ADAMTSL1: variants seen among roughly 807,000 people sequenced by gnomAD.
ADAMTSL1 encodes ADAMTS like 1.
ADAMTSL1 carries 126 observed loss-of-function variants against 201.8 expected under a neutral mutation model. The observed-to-expected ratio is 0.62, with a 90% confidence interval of 0.54 to 0.72. The LOEUF is 0.72. Ranked by LOEUF, ADAMTSL1 falls within the 30% of genes least tolerant of loss-of-function variation. The pLI, the probability that ADAMTSL1 is intolerant of heterozygous loss-of-function variation, is 0.00. For missense variants in ADAMTSL1, 2,679 were observed against 2,277.8 expected (o/e 1.18, Z -3.59); for synonymous variants, 1,121 against 903.4 (o/e 1.24, Z -4.32).
intron 16 of ADAMTSL1, among the ~76,000 whole-genome samples, chr9:18,757,571 C>T (rs1041107299): frequency 7.2e-5 from 11 of 152,098 alleles, no homozygotes; most frequent in African/African-American, 2.4e-4. Flanking sequence ...TCTCCCATCC[C>T]TGCTTGTATA....
At chr9:18,181,267 A>G (rs55650197) in intron 2 of ADAMTSL1, among the ~76,000 whole-genome samples, 4,965 of 152,286 alleles carry the variant, frequency 0.033, 257 homozygotes, top group African/African-American at 0.11. Flanking sequence ...AATGGCAACA[A>G]AAGCCAAAAT....
At chr9:18,780,999 T>C (rs1821358191) in intron 19 of ADAMTSL1, among the ~76,000 whole-genome samples, 1 of 152,234 alleles carries the variant, frequency 6.6e-6, no homozygotes, top group African/African-American at 2.4e-5. Flanking sequence ...GAACAATTTT[T>C]CGGCTTAGTA....
At chr9:18,420,303 G>A (rs896646784) in intron 2 of ADAMTSL1, among the ~76,000 whole-genome samples, 1 of 152,188 alleles carries the variant, frequency 6.6e-6, no homozygotes. Context: ...GGGGATAAGG[G>A]CTTGAACTAG....
At chr9:18,294,016 C>T (rs1833375408) in intron 2 of ADAMTSL1, among the ~76,000 whole-genome samples, 1 of 152,152 alleles carries the variant, frequency 6.6e-6, no homozygotes, top group Admixed American at 6.5e-5. Context: ...AGACTCAGAA[C>T]CATGAATCTA....
At chr9:18,107,251 A>C (rs928038060) in intron 1 of ADAMTSL1, among the ~76,000 whole-genome samples, 3 of 152,154 alleles carry the variant, frequency 2.0e-5, no homozygotes, top group African/African-American at 7.2e-5. Context: ...ATCTCCCTTC[A>C]AAATTTGTGA....
intron 1 of ADAMTSL1, among the ~76,000 whole-genome samples, chr9:17,915,611 T>G (rs1448149642): frequency 1.3e-5 from 2 of 152,234 alleles, no homozygotes; most frequent in African/African-American, 4.8e-5. Context: ...ATATAGTAGG[T>G]GTACATTTAA....
intron 2 of ADAMTSL1, among the ~76,000 whole-genome samples, chr9:18,366,784 ATTTTTGT>A (rs1563916065): frequency 3.3e-5 from 5 of 151,220 alleles, no homozygotes; most frequent in Non-Finnish European, 5.9e-5. Context: ...TTCCCGGCTA[ATTTTTGT>A]ATTTTTAGTA....
At chr9:18,525,040 A>G (rs55686384) in intron 2 of ADAMTSL1, among the ~76,000 whole-genome samples, 17,325 of 152,056 alleles carry the variant, frequency 0.11, 2,079 homozygotes, top group African/African-American at 0.31. Context: ...TTGTACATCC[A>G]GTAGAATTCG....
intron 2 of ADAMTSL1, among the ~76,000 whole-genome samples, chr9:18,366,885 G>A (rs1836792163): frequency 6.6e-6 from 1 of 151,982 alleles, no homozygotes; most frequent in African/African-American, 2.4e-5. Flanking sequence ...TGGGAGTACT[G>A]GCATGAGCCG....
At chr9:18,553,670 C>A (rs1468964593) in intron 3 of ADAMTSL1, among the ~76,000 whole-genome samples, 7 of 151,864 alleles carry the variant, frequency 4.6e-5, no homozygotes, top group Non-Finnish European at 1.0e-4. Context: ...TTGGTGCTCT[C>A]TCTTGAAAGT....
chr9:18,720,599 A>G (rs1564180201), intron 14 of ADAMTSL1, among the ~76,000 whole-genome samples: 1 of 152,196 alleles, frequency 6.6e-6, no homozygotes, highest in Non-Finnish European at 1.5e-5. Context: ...ACTGACCAGC[A>G]TGGTGAAACC....
intron 1 of ADAMTSL1, among the ~76,000 whole-genome samples, chr9:17,929,533 C>G (rs1348891932): frequency 6.6e-6 from 1 of 152,100 alleles, no homozygotes; most frequent in Non-Finnish European, 1.5e-5. Flanking sequence ...TCCTCTTCCT[C>G]CCTTCTATCC....
intron 2 of ADAMTSL1, among the ~76,000 whole-genome samples, chr9:18,386,494 G>C (rs1183324719): frequency 1.2e-4 from 18 of 152,094 alleles, no homozygotes; most frequent in Admixed American, 1.2e-3. Context: ...ATTTTAAAAT[G>C]TTTCTCTCCT....
At chr9:18,108,242 C>G (rs1824850265) in intron 1 of ADAMTSL1, among the ~76,000 whole-genome samples, 1 of 145,286 alleles carries the variant, frequency 6.9e-6, no homozygotes, top group Admixed American at 7.0e-5. Context: ...ACTCTGTTGC[C>G]TAGGCTGGTG....
Position 18,605,329 on chromosome 9 carries a change from A to G in ADAMTSL1, c.475-16914A>G, listed in dbSNP as rs1824941287. Among the ~76,000 whole-genome samples the G allele has an allele frequency of 2.6e-5, 4 of 152,356 alleles. No individual in the cohort carries two copies. The South Asian group carries it at 8.3e-4, about 32-fold the overall frequency. ...ATCTGCAATTTAAATGACTGCTTAC[A>G]AAATGAGCCTTTTTTCCCTAATATC... On this transcript the variant is annotated intron_variant, in intron 4 of 28. Coordinates refer to ENST00000380548, the MANE Select transcript of ADAMTSL1 (RefSeq NM_001040272.6).
intron 2 of ADAMTSL1, among the ~76,000 whole-genome samples, chr9:18,193,669 A>G (rs1442636093): frequency 3.9e-5 from 6 of 152,146 alleles, no homozygotes; most frequent in African/African-American, 1.4e-4. Flanking sequence ...TGTCACACTC[A>G]TCAAAAGGGA....
At chr9:18,677,685 T>A (rs116145371) in intron 10 of ADAMTSL1, among the ~76,000 whole-genome samples, 211 of 152,186 alleles carry the variant, frequency 1.4e-3, no homozygotes, top group African/African-American at 5.0e-3. Context: ...TAGGTTGGGA[T>A]TTTTCTCCAA....
intron 1 of ADAMTSL1, among the ~76,000 whole-genome samples, chr9:18,499,559 A>G (rs1822722151): frequency 6.6e-6 from 1 of 152,230 alleles, no homozygotes; most frequent in Non-Finnish European, 1.5e-5. Context: ...TGGGCAGACC[A>G]CAGGAAAAAT....
chr9:18,650,707 G>C (rs1222748294), intron 7 of ADAMTSL1, among the ~76,000 whole-genome samples: 2 of 152,078 alleles, frequency 1.3e-5, no homozygotes, highest in Admixed American at 6.5e-5. Flanking sequence ...TTTAAAACTA[G>C]ACTGAATTCT....
Sources: gnomAD v4.1 joint callset for allele counts (sites outside exome capture counted in the v4.1 genomes callset) on GRCh38, gnomAD v4.1.1 for gene constraint, MANE v1.5 for transcripts, NCBI Gene and HGNC (gene_info 2026-07-23, HGNC 2026-07-21) for gene names.